The following PAWR variants were observed in gnomAD, a reference collection of about 807,000 sequenced individuals.
PAWR encodes PRKC apoptosis WT1 regulator protein.
A neutral mutation model predicts 32.0 loss-of-function variants in PAWR; 23 were observed. The observed-to-expected ratio is 0.72, with a 90% CI of 0.52 to 1.02. The LOEUF is 1.02. Among genes scored for constraint, PAWR ranks in the 50% least tolerant of loss-of-function variants. The pLI is 0.00. For missense variants in PAWR, 457 were observed against 437.7 expected (o/e 1.04, Z -0.39); for synonymous variants, 226 against 187.1 (o/e 1.21, Z -1.70).
At chr12:79,611,619 C>CT (rs1215164961) in intron 4 of PAWR, among the ~76,000 whole-genome samples, 1 of 151,508 alleles carries the variant, frequency 6.6e-6, no homozygotes, top group Non-Finnish European at 1.5e-5. Flanking sequence ...AAGTTTTTGT[C>CT]TTTTTTTCTC....
chr12:79,665,991 T>G (rs932866136), intron 2 of PAWR, among the ~76,000 whole-genome samples: 1 of 152,206 alleles, frequency 6.6e-6, no homozygotes. Context: ...TATCATCAGA[T>G]AACTTGAAAG....
chr12:79,587,091 A>G lies in PAWR; in HGVS notation c.*5516T>C, dbSNP rs1873405585. 1 of 152,118 alleles carries G rather than the reference A, an allele frequency of 6.6e-6. No homozygotes were observed. The highest frequency in any genetic ancestry group is 1.5e-5 in the Non-Finnish European group (1 of 67,980). The allele number at this position is 152,118 out of a possible 1,614,324, so 9.4% of individuals were successfully genotyped here. The stretch of plus-strand genomic sequence containing the variant: ...TGCATAAACACAAAGTGAATCTAGA[A>G]GGGAAAAAATTGAGTTTGATGAAGT... On this transcript the variant is annotated 3_prime_UTR_variant, in exon 7 of 7. Transcript: ENST00000328827.
At chr12:79,673,636 T>G (rs1285303362) in intron 2 of PAWR, among the ~76,000 whole-genome samples, 1 of 152,170 alleles carries the variant, frequency 6.6e-6, no homozygotes, top group Non-Finnish European at 1.5e-5. Context: ...TCAAATTCAG[T>G]AACCCAATAC....
chr12:79,674,367 G>T (rs1011369349), intron 2 of PAWR, among the ~76,000 whole-genome samples: 10 of 151,166 alleles, frequency 6.6e-5, no homozygotes, highest in Admixed American at 6.6e-4. Flanking sequence ...GACTGAAATT[G>T]GACCCCTTCT....
At chr12:79,649,831 C>G (rs1165141287) in intron 2 of PAWR, among the ~76,000 whole-genome samples, 1 of 152,084 alleles carries the variant, frequency 6.6e-6, no homozygotes, top group Non-Finnish European at 1.5e-5. Flanking sequence ...AGTCCTCAAC[C>G]TTTCTGACAA....
At chr12:79,596,736 A>T (rs1873768761) in intron 4 of PAWR, 78 bp from the exon 5 acceptor site, 1 of 916,210 alleles carries the variant, frequency 1.1e-6, no homozygotes. Context: ...TATTGAGCTT[A>T]AAAAAATTAA....
intron 4 of PAWR, chr12:79,604,572 A>G (rs1177184430): frequency 3.2e-6 from 4 of 1,267,128 alleles, no homozygotes; most frequent in East Asian, 5.7e-5. Context: ...ATTCAGAAGT[A>G]CAGGATATAT....
intron 2 of PAWR, among the ~76,000 whole-genome samples, chr12:79,636,396 C>T (rs1213219704): frequency 6.6e-6 from 1 of 152,056 alleles, no homozygotes; most frequent in Non-Finnish European, 1.5e-5. Flanking sequence ...TTAATAACAA[C>T]TCTTGAACAG....
In PAWR at chr12:79,684,260, C is replaced by T. The variant is rs1307137952; in HGVS notation, c.516+5469G>A. Among the ~76,000 whole-genome samples, 5 of 151,844 alleles carry T rather than the reference C, an allele frequency of 3.3e-5. No individual in the cohort carries two copies. In the East Asian group the frequency reaches 9.6e-4, roughly 29 times the overall value. On this transcript the variant is annotated intron_variant, in intron 2 of 6. Coordinates refer to ENST00000328827, the MANE Select transcript of PAWR (RefSeq NM_002583.4). ...TTATATCAACCTTGCTATTAAATGG[C>T]ATAATTATTTTCTGGCACACATCAT...
intron 2 of PAWR, among the ~76,000 whole-genome samples, chr12:79,674,783 C>T (rs564500590): frequency 1.3e-5 from 2 of 151,860 alleles, no homozygotes; most frequent in East Asian, 1.9e-4. Flanking sequence ...ATGACATACA[C>T]GTAGCAACAA....
intron 2 of PAWR, among the ~76,000 whole-genome samples, chr12:79,623,071 C>T (rs1441391470): frequency 2.6e-5 from 4 of 152,018 alleles, no homozygotes; most frequent in Non-Finnish European, 5.9e-5. Context: ...CTGGAAATAG[C>T]AATGCAGAGA....
In PAWR at chr12:79,591,347, A is replaced by G. The variant is rs1046713645; in HGVS notation, c.*1260T>C. The stretch of plus-strand genomic sequence containing the variant: ...GAAGGAAAAAGTCAGTAGAGTACCT[A>G]AAATGGATTTGACTATATTCAAGCC... On this transcript the variant is annotated 3_prime_UTR_variant, in exon 7 of 7. Coordinates refer to ENST00000328827, the MANE Select transcript of PAWR (RefSeq NM_002583.4). The G allele has an allele frequency of 6.6e-6, 1 of 152,224 alleles. No individual in the cohort carries two copies. Among genetic ancestry groups the G allele is most frequent in the African/African-American group, 2.4e-5 (1 of 41,460 alleles). The allele number at this position is 152,224 out of a possible 1,614,324, so 9.4% of individuals were successfully genotyped here. A position where few individuals can be genotyped will look rare whatever the true frequency, so the allele number is the denominator to read the frequency against.
chr12:79,650,991 A>T (rs1429913899), intron 2 of PAWR, among the ~76,000 whole-genome samples: 3 of 152,230 alleles, frequency 2.0e-5, no homozygotes, highest in African/African-American at 7.2e-5. Context: ...CAGAACTTCA[A>T]TGTCAAAACA....
In PAWR at chr12:79,690,053, G is replaced by A. The variant is rs1327834922; in HGVS notation, c.192C>T (p.Ala64=). The stretch of plus-strand genomic sequence containing the variant: ...GGTTGTTGTTGAGCTCGTTGGCAGC[G>A]GCGGCCGCCGGGGTGCCCAGAGCCC... ...PAGALGTPAA[A]AANELNNNLP... is the part of the protein sequence containing the mutation. The change falls in exon 2 of 7, where the codon GCC becomes GCT. Residue 64 remains alanine, a synonymous_variant. Transcript: ENST00000328827. 2 of 1,359,990 alleles carry A rather than the reference G, an allele frequency of 1.5e-6. No individual in the cohort carries two copies. Among genetic ancestry groups the A allele is most frequent in the East Asian group, 6.2e-5 (2 of 32,448 alleles). The allele number at this position is 1,359,990 out of a possible 1,614,324, so 84.2% of individuals were successfully genotyped here. A position where few individuals can be genotyped will look rare whatever the true frequency, so the allele number is the denominator to read the frequency against.
intron 2 of PAWR, among the ~76,000 whole-genome samples, chr12:79,669,921 A>T (rs1565699463): frequency 6.6e-6 from 1 of 152,018 alleles, no homozygotes; most frequent in Admixed American, 6.6e-5. Context: ...GGCTGGTCTC[A>T]AACTCCTGAG....
intron 2 of PAWR, among the ~76,000 whole-genome samples, chr12:79,669,773 C>CT (rs1480116892): frequency 6.6e-6 from 1 of 151,694 alleles, no homozygotes; most frequent in Non-Finnish European, 1.5e-5. Flanking sequence ...TGTTCTGTCA[C>CT]CCAGGCTGGA....
rs369699999 is a variant in PAWR at position 79,589,042 on chromosome 12, C to A, written c.*3565G>T. Reference sequence around the variant, plus strand: ...ATAATATCAATTACAATCTTAGAGACTGTAATTGGGAATACAATCCTATAA... The same window carrying A: ...ATAATATCAATTACAATCTTAGAGAATGTAATTGGGAATACAATCCTATAA... On this transcript the variant is annotated 3_prime_UTR_variant, in exon 7 of 7. Coordinates refer to ENST00000328827, the MANE Select transcript of PAWR (RefSeq NM_002583.4). The A allele has an allele frequency of 2.6e-5, 4 of 151,976 alleles. No individual in the cohort carries two copies. The South Asian group carries it at 8.3e-4, about 32-fold the overall frequency. The allele number at this position is 151,976 out of a possible 1,614,324, so 9.4% of individuals were successfully genotyped here. A position where few individuals can be genotyped will look rare whatever the true frequency, so the allele number is the denominator to read the frequency against.
At chr12:79,690,746 G>A (rs1379560010) in intron 1 of PAWR, 126 bp downstream of exon 1, 1 of 152,584 alleles carries the variant, frequency 6.6e-6, no homozygotes, top group Non-Finnish European at 1.5e-5. Context: ...GCCGGTCCGA[G>A]GTCCCCGTCA....
In PAWR at chr12:79,592,515, T is replaced by C. The variant is rs1873590270; in HGVS notation, c.*92A>G. 3 of 612,398 alleles carry C rather than the reference T, an allele frequency of 4.9e-6. No homozygotes were observed. In the East Asian group the frequency reaches 9.1e-5, roughly 19 times the overall value. 37.9% of individuals were successfully genotyped at this position (612,398 alleles called of 1,614,324 possible). A position where few individuals can be genotyped will look rare whatever the true frequency, so the allele number is the denominator to read the frequency against. ...AAATATACTTGCTTAGTTATTTTAA[T>C]GTATTGCAGCATAGGAATATTGTGC... On this transcript the variant is annotated 3_prime_UTR_variant, in exon 7 of 7. Transcript: ENST00000328827.
Sources: allele counts gnomAD v4.1 joint callset (sites outside exome capture counted in the v4.1 genomes callset), GRCh38; gene constraint gnomAD v4.1.1; transcripts MANE v1.5; gene names NCBI Gene and HGNC (gene_info 2026-07-23, HGNC 2026-07-21).